PAX8: variants seen among roughly 807,000 people sequenced by gnomAD.
PAX8 encodes the protein paired box protein Pax-8.
A neutral mutation model predicts 52.4 loss-of-function variants in PAX8; 15 were observed. That is an observed-to-expected ratio of 0.29 (90% CI 0.19 to 0.44). The LOEUF (loss-of-function observed/expected upper bound fraction) is 0.44, where lower values mean the gene tolerates loss of function less well. Among genes scored for constraint, PAX8 ranks in the 20% least tolerant of loss-of-function variants. PAX8 has a pLI of 1.00. For synonymous variants in PAX8, 284 were observed against 249.7 expected, an observed-to-expected ratio of 1.14 and a Z score of -1.29; for missense variants, 554 against 602.5, an observed-to-expected ratio of 0.92 and a Z score of 0.84.
At chr2:113,272,903 G>C (rs1024890909) in intron 2 of PAX8, 2 of 152,156 alleles carry the variant, frequency 1.3e-5, no homozygotes, top group Admixed American at 6.5e-5. Context: ...GGACCCGAAG[G>C]GGGGCAGTGC....
intron 10 of PAX8, chr2:113,226,755 T>G: frequency 8.6e-7 from 1 of 1,160,420 alleles, no homozygotes; most frequent in Middle Eastern, 3.8e-4. Context: ...GTTAAATCAC[T>G]GGGAGACCAG....
At chr2:113,266,634 G>A (rs1487365149) in intron 2 of PAX8, 1 of 152,208 alleles carries the variant, frequency 6.6e-6, no homozygotes, top group Middle Eastern at 3.2e-3. Flanking sequence ...TCTGACACTT[G>A]TCAGCACATG....
intron 5 of PAX8, among the ~76,000 whole-genome samples, 161 bp from the exon 6 acceptor site, chr2:113,242,291 G>C (rs1690923591): frequency 6.6e-6 from 1 of 151,948 alleles, no homozygotes; most frequent in Admixed American, 6.5e-5. Flanking sequence ...GGTGACTCTG[G>C]GGGGACTGCG....
rs1690200708 is a variant in PAX8 at position 113,235,435 on chromosome 2, G to T, written c.1046C>A (p.Ala349Asp). 2 of 1,606,244 alleles carry T rather than the reference G, an allele frequency of 1.2e-6. No individual in the cohort carries two copies. Among genetic ancestry groups the T allele is most frequent in the Non-Finnish European group, 1.7e-6 (2 of 1,176,442 alleles). Residue 349 changes from alanine to aspartate, a missense_variant, in exon 9 of 12, where the codon GCC becomes GAC. Coordinates refer to ENST00000429538, the MANE Select transcript of PAX8 (RefSeq NM_003466.4). Reference sequence around the variant, plus strand: ...GCCCGTGAACTGCCCGTACACGGAGGCAGCATGGGGAAAGGCATTGAAGGG... The same window carrying T: ...GCCCGTGAACTGCCCGTACACGGAGTCAGCATGGGGAAAGGCATTGAAGGG... Reference protein sequence around the residue: ...VPPFNAFPHAASVYGQFTGQA... With the variant: ...VPPFNAFPHADSVYGQFTGQA...
At chr2:113,265,176 T>C (rs1692966473) in intron 2 of PAX8, among the ~76,000 whole-genome samples, 1 of 152,168 alleles carries the variant, frequency 6.6e-6, no homozygotes, top group South Asian at 2.1e-4. Flanking sequence ...CCATGGCTTT[T>C]CCACTTAATA....
chr2:113,241,118 TGAG>T, intron 7 of PAX8: 1 of 315,528 alleles, frequency 3.2e-6, no homozygotes. Flanking sequence ...GCGAGGGTGG[TGAG>T]CTCGGGGCCA....
intron 2 of PAX8, chr2:113,267,973 T>C (rs1693201709): frequency 1.3e-5 from 2 of 152,192 alleles, no homozygotes; most frequent in Non-Finnish European, 2.9e-5. Context: ...GGCTATAAGA[T>C]CTAAGGAGGC....
At chr2:113,260,603 A>G (rs1393125551) in intron 2 of PAX8, among the ~76,000 whole-genome samples, 1 of 152,042 alleles carries the variant, frequency 6.6e-6, no homozygotes, top group Non-Finnish European at 1.5e-5. Flanking sequence ...ATAGGAAGGA[A>G]ATAACAGCTG....
chr2:113,273,804 A>G (rs910426714), intron 2 of PAX8: 1 of 152,012 alleles, frequency 6.6e-6, no homozygotes, highest in Non-Finnish European at 1.5e-5. Flanking sequence ...TTTCAATTTC[A>G]CTAATAGTGA....
intron 10 of PAX8, among the ~76,000 whole-genome samples, chr2:113,222,450 G>A (rs1689326055): frequency 6.6e-6 from 1 of 152,172 alleles, no homozygotes; most frequent in East Asian, 1.9e-4. Flanking sequence ...GCAGGGGATG[G>A]AGCTCGGTAG....
chr2:113,267,531 G>A (rs145669415), intron 2 of PAX8: 80 of 152,310 alleles, frequency 5.3e-4, no homozygotes, highest in African/African-American at 1.8e-3. Context: ...TTAAACCACA[G>A]GTTGCAAGAA....
chr2:113,216,398 C>T lies in PAX8; in HGVS notation c.*2135G>A, dbSNP rs1005852490. 2 of 231,644 alleles carry T rather than the reference C, an allele frequency of 8.6e-6. No homozygotes were observed. The highest frequency in any genetic ancestry group is 2.2e-5 in the African/African-American group (1 of 45,238). The allele number at this position is 231,644 out of a possible 1,614,324, so 14.3% of individuals were successfully genotyped here. On this transcript the variant is annotated 3_prime_UTR_variant, in exon 12 of 12. Coordinates refer to ENST00000429538, the MANE Select transcript of PAX8 (RefSeq NM_003466.4). Reference sequence around the variant, plus strand: ...TCTCTCCCAGCCTCTGTCCTCCCAGCCCTGGAGTCCTTGGGCCCCTTCTAT... The same window carrying T: ...TCTCTCCCAGCCTCTGTCCTCCCAGTCCTGGAGTCCTTGGGCCCCTTCTAT...
Position 113,242,712 on chromosome 2 carries a change from G to A in PAX8, c.456C>T (p.Ser152=). The A allele has an allele frequency of 1.2e-6, 2 of 1,613,678 alleles. No individual in the cohort carries two copies. The highest frequency in any genetic ancestry group is 1.7e-6 in the Non-Finnish European group (2 of 1,179,640). Residue 152 remains serine, a synonymous_variant, in exon 5 of 12, where the codon TCC becomes TCT. Transcript: ENST00000429538. ...CACTCAGCGTGTGTCCGGGACTCAG[G>A]GACTTGGTGGCCACGCAGCTGTCCA... The part of the protein sequence containing the change: ...LPMDSCVATK[S]LSPGHTLIPS...
rs760224917 is a variant in PAX8, at chr2:113,227,279, C to T, written c.1088-23G>A. The T allele has an allele frequency of 2.1e-5, 33 of 1,579,468 alleles. No homozygotes were observed. The African/African-American group carries it at 2.1e-4, about 10-fold the overall frequency. On this transcript the variant is annotated intron_variant, in intron 9 of 11. Coordinates refer to ENST00000429538, the MANE Select transcript of PAX8 (RefSeq NM_003466.4). ...GCCCTGGAAAAATACAGCAAAGAGT[C>T]GTCAGTTGGACCATGGGGGCTCCCA...
At position 113,220,115 on chromosome 2, in the gene PAX8, C is replaced by T. The variant is rs1390421625; in HGVS notation, c.1253G>A (p.Arg418His). 11 of 1,613,716 alleles carry T rather than the reference C, an allele frequency of 6.8e-6. No homozygotes were observed. The highest frequency in any genetic ancestry group is 3.3e-5 in the South Asian group (3 of 91,068). The change falls in exon 11 of 12, where the codon CGC becomes CAC. Residue 418 changes from arginine to histidine, a missense_variant. Physicochemically the swap from Arg to His is conservative, Grantham distance 29. Coordinates refer to ENST00000429538, the MANE Select transcript of PAX8 (RefSeq NM_003466.4). ...TPYSSYSEAW[R>H]FPNSSLLSSP... ...ACTCAGCAAGCTGGAGTTGGGGAAGCGCCAGGCCTCGCTGTAGGAGGAGTA... is the reference window on the plus strand; with the variant it reads ...ACTCAGCAAGCTGGAGTTGGGGAAGTGCCAGGCCTCGCTGTAGGAGGAGTA...
chr2:113,257,851 T>C (rs1692372361), intron 2 of PAX8, among the ~76,000 whole-genome samples: 1 of 152,218 alleles, frequency 6.6e-6, no homozygotes, highest in Non-Finnish European at 1.5e-5. Flanking sequence ...ATCTTTTCAA[T>C]TAATTCTTAT....
At chr2:113,264,887 A>G (rs776287038) in intron 2 of PAX8, among the ~76,000 whole-genome samples, 1 of 152,308 alleles carries the variant, frequency 6.6e-6, no homozygotes, top group East Asian at 1.9e-4. Context: ...GAGAATGTAC[A>G]TGGTGTATTT....
chr2:113,220,294 A>G (rs2104414210), intron 10 of PAX8, 116 bp from the exon 11 acceptor site: 1 of 734,152 alleles, frequency 1.4e-6, no homozygotes, highest in Non-Finnish European at 2.4e-6. Flanking sequence ...TTGGGGAGAC[A>G]GTTGGAGCCA....
rs555419221 is a variant in PAX8 at position 113,228,845 on chromosome 2, T to G, written c.1088-1589A>C. Among the ~76,000 whole-genome samples, 13 of 152,290 alleles carry G rather than the reference T, an allele frequency of 8.5e-5. No individual in the cohort carries two copies. In the East Asian group the frequency reaches 2.3e-3, roughly 27 times the overall value. On this transcript the variant is annotated intron_variant, in intron 9 of 11. Coordinates refer to ENST00000429538, the MANE Select transcript of PAX8 (RefSeq NM_003466.4). ...TACCTCAGCCCCTTCAAGGGGTGCC[T>G]GGTCATGACAGAAGGGAAGGAAGGC... is the stretch of plus-strand genomic sequence containing the variant.
Sources: gnomAD v4.1 joint callset for allele counts (sites outside exome capture counted in the v4.1 genomes callset) on GRCh38, gnomAD v4.1.1 for gene constraint, MANE v1.5 for transcripts, NCBI Gene and HGNC (gene_info 2026-07-23, HGNC 2026-07-21) for gene names.